BTBD9: variants seen among roughly 807,000 people sequenced by gnomAD.
BTBD9 encodes BTB domain containing 9.
In BTBD9, 49 loss-of-function variants were observed where a neutral mutation model predicts 64.3. That is an observed-to-expected ratio of 0.76 (90% confidence interval 0.61 to 0.97). The LOEUF (loss-of-function observed/expected upper bound fraction) is 0.97. Among genes scored for constraint, BTBD9 ranks in the 50% least tolerant of loss-of-function variants. The pLI is 0.00. For missense variants in BTBD9, 598 were observed against 762.1 expected (o/e 0.78, Z 2.53); for synonymous variants, 260 against 274.7 (o/e 0.95, Z 0.53).
intron 7 of BTBD9, among the ~76,000 whole-genome samples, chr6:38,326,786 G>A (rs984266941): frequency 4.0e-5 from 6 of 150,372 alleles, no homozygotes; most frequent in African/African-American, 9.7e-5. Context: ...CTGGTGTTGC[G>A]GGTAGGGGTA....
chr6:38,278,787 A>C (rs570435467), intron 8 of BTBD9, among the ~76,000 whole-genome samples: 1 of 152,366 alleles, frequency 6.6e-6, no homozygotes, highest in East Asian at 1.9e-4. Context: ...GGTTACAGTA[A>C]AAGAATAATG....
chr6:38,238,459 C>T (rs9462415), intron 9 of BTBD9, among the ~76,000 whole-genome samples: 15,275 of 145,028 alleles, frequency 0.11, 1,183 homozygotes, highest in East Asian at 0.45. Flanking sequence ...TAAGCTGTTG[C>T]GGAGACCAAG....
At chr6:38,398,794 A>T (rs1255757540) in intron 6 of BTBD9, among the ~76,000 whole-genome samples, 1 of 152,204 alleles carries the variant, frequency 6.6e-6, no homozygotes, top group Non-Finnish European at 1.5e-5. Flanking sequence ...ATTTATTCTT[A>T]TACCCATTTA....
At chr6:38,313,625 T>C (rs963336836) in intron 7 of BTBD9, among the ~76,000 whole-genome samples, 10 of 152,224 alleles carry the variant, frequency 6.6e-5, no homozygotes, top group Non-Finnish European at 1.0e-4. Flanking sequence ...TCATCATCAA[T>C]TGAAATAATT....
chr6:38,353,139 G>A (rs1045887485), intron 6 of BTBD9, among the ~76,000 whole-genome samples: 4 of 152,114 alleles, frequency 2.6e-5, no homozygotes, highest in African/African-American at 9.7e-5. Context: ...TAAGAACACG[G>A]CTATAATGTA....
chr6:38,346,031 C>T (rs1764263868), intron 6 of BTBD9, among the ~76,000 whole-genome samples: 1 of 152,214 alleles, frequency 6.6e-6, no homozygotes, highest in South Asian at 2.1e-4. Flanking sequence ...ACTAGATTAA[C>T]TGATAATGCC....
intron 10 of BTBD9, among the ~76,000 whole-genome samples, chr6:38,179,004 C>T (rs1761418518): frequency 6.6e-6 from 1 of 152,074 alleles, no homozygotes; most frequent in South Asian, 2.1e-4. Context: ...AGGCACGTGC[C>T]ACCACACCCA....
Position 38,169,928 on chromosome 6 carries a change from G to A in BTBD9, c.*5057C>T, listed in dbSNP as rs909801461. The A allele has an allele frequency of 7.2e-5, 11 of 152,236 alleles. No individual in the cohort carries two copies. Among genetic ancestry groups the A allele is most frequent in the Non-Finnish European group, 1.5e-4 (10 of 68,056 alleles). The allele number at this position is 152,236 out of a possible 1,614,324, so 9.4% of individuals were successfully genotyped here. On this transcript the variant is annotated 3_prime_UTR_variant, in exon 11 of 11. Transcript: ENST00000481247. Reference sequence around the variant, plus strand: ...AAAAAGAAGACACGAAGCTGATGGGGCAGGAGGGCCGTTCAGCCTGGCTTC... The same window carrying A: ...AAAAAGAAGACACGAAGCTGATGGGACAGGAGGGCCGTTCAGCCTGGCTTC...
At chr6:38,190,157 T>C (rs772278736) in intron 10 of BTBD9, among the ~76,000 whole-genome samples, 5 of 152,058 alleles carry the variant, frequency 3.3e-5, no homozygotes, top group Non-Finnish European at 7.4e-5. Context: ...CTGTTCATTA[T>C]TTATTTTATG....
At position 38,315,090 on chromosome 6, in the gene BTBD9, C is replaced by T. The variant is rs1376132884; in HGVS notation, c.1265-26629G>A. 5.9e-5 allele frequency among the ~76,000 whole-genome samples: 9 copies of T among 152,274 alleles called. No homozygotes were observed. The South Asian group carries it at 6.2e-4, about 11-fold the overall frequency. ...GTCTCGATCTTCTGACCTCATGATC[C>T]GCCTGCCTCAGCCTCCCAAAGTGCT... On this transcript the variant is annotated intron_variant, in intron 7 of 10. Coordinates refer to ENST00000481247, the MANE Select transcript of BTBD9 (RefSeq NM_001099272.2).
chr6:38,402,759 C>T (rs1162023324), intron 6 of BTBD9: 11 of 698,186 alleles, frequency 1.6e-5, no homozygotes, highest in Non-Finnish European at 1.8e-5. Context: ...GATTAGGCAA[C>T]AATTTCTTAG....
intron 2 of BTBD9, among the ~76,000 whole-genome samples, chr6:38,596,743 G>A (rs966741069): frequency 1.3e-5 from 2 of 150,308 alleles, no homozygotes; most frequent in Admixed American, 6.6e-5. Context: ...GGAGCTTGCA[G>A]TGAGCCGAGA....
chr6:38,309,918 T>C (rs1762766960), intron 7 of BTBD9, among the ~76,000 whole-genome samples: 2 of 152,158 alleles, frequency 1.3e-5, no homozygotes, highest in Non-Finnish European at 1.5e-5. Flanking sequence ...ATAGAGAAAA[T>C]GTCCCCATCA....
At chr6:38,373,434 T>C (rs1274200802) in intron 6 of BTBD9, among the ~76,000 whole-genome samples, 2 of 152,222 alleles carry the variant, frequency 1.3e-5, no homozygotes, top group Non-Finnish European at 2.9e-5. Context: ...AGCCCCATTA[T>C]ATATTGAAAG....
intron 6 of BTBD9, among the ~76,000 whole-genome samples, chr6:38,457,912 T>G (rs1769893100): frequency 6.6e-6 from 1 of 152,152 alleles, no homozygotes. Context: ...GCCTGATACT[T>G]AATAAGTGCT....
intron 7 of BTBD9, among the ~76,000 whole-genome samples, chr6:38,309,986 C>T (rs1582207245): frequency 6.6e-6 from 1 of 152,080 alleles, no homozygotes; most frequent in African/African-American, 2.4e-5. Context: ...CTGCCAGAGC[C>T]TTTGGAGGCA....
intron 6 of BTBD9, among the ~76,000 whole-genome samples, chr6:38,408,338 C>CAAG (rs1767261030): frequency 6.7e-6 from 1 of 148,300 alleles, no homozygotes; most frequent in South Asian, 2.2e-4. Flanking sequence ...AGCAACAGAG[C>CAAG]AAGACCCTGT....
intron 1 of BTBD9, among the ~76,000 whole-genome samples, chr6:38,617,358 G>A (rs757209026): frequency 9.9e-5 from 15 of 152,124 alleles, no homozygotes; most frequent in Non-Finnish European, 2.1e-4. Flanking sequence ...TGCCTCCTGG[G>A]TCCCAATGCC....
rs1175389163 is a variant in BTBD9 at position 38,297,447 on chromosome 6, G to C, written c.1265-8986C>G. ...AATTCTGTTGATTTTTGCTTTATGT[G>C]TTTTGAGACCACATCATCATGTACA... On this transcript the variant is annotated intron_variant, in intron 7 of 10. Coordinates refer to ENST00000481247, the MANE Select transcript of BTBD9 (RefSeq NM_001099272.2). 2.0e-5 allele frequency among the ~76,000 whole-genome samples: 3 copies of C among 152,190 alleles called. No individual in the cohort carries two copies. In the East Asian group the frequency reaches 5.8e-4, roughly 29 times the overall value.
Sources: allele counts gnomAD v4.1 joint callset (sites outside exome capture counted in the v4.1 genomes callset), GRCh38; gene constraint gnomAD v4.1.1; transcripts MANE v1.5; gene names NCBI Gene and HGNC (gene_info 2026-07-23, HGNC 2026-07-21).